Variants in SCRG1 observed in about 807,000 individuals in gnomAD.
SCRG1 encodes the protein scrapie-responsive protein 1.
A neutral mutation model predicts 7.7 loss-of-function variants in SCRG1; 3 were observed. The observed-to-expected ratio is 0.39, with a 90% confidence interval of 0.18 to 1.01. SCRG1 has a LOEUF of 1.01. Ranked by LOEUF, SCRG1 falls within the 50% of genes least tolerant of loss-of-function variation. The pLI is 0.36. For synonymous variants in SCRG1, 46 were observed against 41.2 expected, an observed-to-expected ratio of 1.12 and a Z score of -0.44; for missense variants, 110 against 117.2, an observed-to-expected ratio of 0.94 and a Z score of 0.28.
At chr4:173,475,886 G>C in the SCRG1 span, among the ~76,000 whole-genome samples, 2 of 152,066 alleles carry the variant, frequency 1.3e-5, no homozygotes, top group East Asian at 3.9e-4. Flanking sequence ...AAAGTATCTA[G>C]AATAGTCAAA....
At chr4:173,395,765 GGA>G (rs1739586559) in intron 1 of SCRG1, among the ~76,000 whole-genome samples, 1 of 152,124 alleles carries the variant, frequency 6.6e-6, no homozygotes, top group African/African-American at 2.4e-5. Flanking sequence ...TTAACCATTT[GGA>G]GAATATGACT....
chr4:173,437,297 A>T, the SCRG1 span, among the ~76,000 whole-genome samples: 1 of 152,276 alleles, frequency 6.6e-6, no homozygotes, highest in East Asian at 1.9e-4. Flanking sequence ...GTAGGTCAAA[A>T]CAAAACAGTG....
chr4:173,500,384 G>A, the SCRG1 span, among the ~76,000 whole-genome samples: 1 of 152,190 alleles, frequency 6.6e-6, no homozygotes, highest in African/African-American at 2.4e-5. Flanking sequence ...CCGGGGAGTG[G>A]CCAACAGCGC....
rs1161538740 is a variant in SCRG1, at chr4:173,384,763, C to T, written c.*3578G>A. The stretch of plus-strand genomic sequence containing the variant: ...GTGAGCTATTAATATGTATTACTGT[C>T]AACTTTGTGCTCAGTAACGTGGGAT... On this transcript the variant is annotated 3_prime_UTR_variant, in exon 3 of 3. Coordinates refer to ENST00000296506, the MANE Select transcript of SCRG1 (RefSeq NM_007281.4). 1 of 152,150 alleles carries T rather than the reference C, an allele frequency of 6.6e-6. No individual in the cohort carries two copies. Among genetic ancestry groups the T allele is most frequent in the Non-Finnish European group, 1.5e-5 (1 of 68,022 alleles). 9.4% of individuals were successfully genotyped at this position (152,150 alleles called of 1,614,324 possible).
upstream of SCRG1, among the ~76,000 whole-genome samples, chr4:173,400,924 T>C (rs1186542637): frequency 6.6e-6 from 1 of 152,114 alleles, no homozygotes; most frequent in East Asian, 1.9e-4. Context: ...GGCAGAGAAC[T>C]GGGAAGGAAA....
At chr4:173,420,707 A>G in the SCRG1 span, among the ~76,000 whole-genome samples, 1 of 147,542 alleles carries the variant, frequency 6.8e-6, no homozygotes, top group Non-Finnish European at 1.5e-5. Context: ...GCCAAGCTGA[A>G]AAAAAAAAAA....
the SCRG1 span, among the ~76,000 whole-genome samples, chr4:173,501,893 C>G: frequency 3.1e-3 from 471 of 152,322 alleles, 3 homozygotes; most frequent in African/African-American, 0.011. This position sits in a 1 kb window ranked among gnomAD's most constrained non-coding sequence, Gnocchi z 5.1. Flanking sequence ...TCCTTCGGAG[C>G]ATCCCTTCTA....
the SCRG1 span, among the ~76,000 whole-genome samples, chr4:173,417,952 G>T: frequency 6.6e-6 from 1 of 152,058 alleles, no homozygotes; most frequent in Non-Finnish European, 1.5e-5. Flanking sequence ...GAATAATTTG[G>T]TGGTGGCTTA....
chr4:173,434,991 G>A, the SCRG1 span, among the ~76,000 whole-genome samples: 1 of 152,100 alleles, frequency 6.6e-6, no homozygotes, highest in Non-Finnish European at 1.5e-5. Context: ...TGCTAGGATT[G>A]GGATCCTAGG....
chr4:173,422,745 C>T, the SCRG1 span, among the ~76,000 whole-genome samples: 1 of 152,268 alleles, frequency 6.6e-6, no homozygotes, highest in African/African-American at 2.4e-5. Flanking sequence ...AATCTAGCAA[C>T]TTGAATTGAA....
At chr4:173,500,248 C>A in the SCRG1 span, among the ~76,000 whole-genome samples, 3 of 152,206 alleles carry the variant, frequency 2.0e-5, no homozygotes, top group African/African-American at 7.2e-5. Context: ...CAGGTTGGAT[C>A]TGAAGCATTC....
chr4:173,514,609 C>T, the SCRG1 span, among the ~76,000 whole-genome samples: 1 of 152,210 alleles, frequency 6.6e-6, no homozygotes, highest in Non-Finnish European at 1.5e-5. Flanking sequence ...AAGGGATCAA[C>T]TAAGCAGGGT....
upstream of SCRG1, among the ~76,000 whole-genome samples, chr4:173,402,116 C>T (rs562517718): frequency 1.1e-4 from 16 of 152,272 alleles, no homozygotes; most frequent in East Asian, 1.9e-4. Flanking sequence ...TTCTTTGAGA[C>T]GGCCTCAGGA....
At chr4:173,501,500 C>A in the SCRG1 span, among the ~76,000 whole-genome samples, 1 of 152,188 alleles carries the variant, frequency 6.6e-6, no homozygotes, top group Non-Finnish European at 1.5e-5. The surrounding 1 kb of genome is among the most constrained non-coding windows in gnomAD (Gnocchi z 5.1). Context: ...AGCCCTGGCT[C>A]CCCTTGGACT....
upstream of SCRG1, among the ~76,000 whole-genome samples, chr4:173,410,809 C>G (rs1740020036): frequency 6.6e-6 from 1 of 152,158 alleles, no homozygotes; most frequent in Non-Finnish European, 1.5e-5. Flanking sequence ...AGACTGGACT[C>G]TAAGGAACAC....
chr4:173,511,600 C>T, the SCRG1 span, among the ~76,000 whole-genome samples: 1 of 152,034 alleles, frequency 6.6e-6, no homozygotes, highest in Non-Finnish European at 1.5e-5. The surrounding 1 kb of genome is among the most constrained non-coding windows in gnomAD (Gnocchi z 5.2). Context: ...TCATGCTGGC[C>T]GGGTACCAAG....
chr4:173,426,647 C>G, the SCRG1 span, among the ~76,000 whole-genome samples: 1 of 152,102 alleles, frequency 6.6e-6, no homozygotes, highest in South Asian at 2.1e-4. Flanking sequence ...AAAATTAGTA[C>G]TTGTGGAGAC....
chr4:173,473,408 T>C, the SCRG1 span, among the ~76,000 whole-genome samples: 1 of 152,204 alleles, frequency 6.6e-6, no homozygotes, highest in African/African-American at 2.4e-5. Flanking sequence ...ATACCCTAAG[T>C]TGGGCAATAA....
At chr4:173,390,909 T>C (rs1739417557) in intron 2 of SCRG1, among the ~76,000 whole-genome samples, 1 of 152,160 alleles carries the variant, frequency 6.6e-6, no homozygotes, top group South Asian at 2.1e-4. Flanking sequence ...AATCAGATGG[T>C]GAGTTTAGAA....
Sources: gnomAD v4.1 joint callset for allele counts (sites outside exome capture counted in the v4.1 genomes callset) on GRCh38, gnomAD v4.1.1 for gene constraint, Gnocchi (gnomAD v3.1) non-coding constraint, MANE v1.5 for transcripts, NCBI Gene and HGNC (gene_info 2026-07-23, HGNC 2026-07-21) for gene names.